Variants in TENM2 observed in about 807,000 individuals in gnomAD.
TENM2 encodes the protein teneurin-2.
A neutral mutation model predicts 245.2 loss-of-function variants in TENM2; 52 were observed. That is an observed-to-expected ratio of 0.21 (90% CI 0.17 to 0.27). The LOEUF (loss-of-function observed/expected upper bound fraction) is 0.27. Ranked by LOEUF, TENM2 falls within the 10% of genes least tolerant of loss-of-function variation. The pLI is 1.00. For synonymous variants in TENM2, 1,363 were observed against 1,438.9 expected (o/e 0.95, Z 1.19); for missense variants, 3,046 against 3,666.8 (o/e 0.83, Z 4.37).
At chr5:167,638,041 G>T (rs1456283467) in intron 2 of TENM2, among the ~76,000 whole-genome samples, 1 of 150,576 alleles carries the variant, frequency 6.6e-6, no homozygotes, top group Non-Finnish European at 1.5e-5. Context: ...GAATACAAAG[G>T]CCAGATTATA....
intron 12 of TENM2, among the ~76,000 whole-genome samples, chr5:168,158,850 T>TATATAC (rs1339051385): frequency 2.0e-3 from 127 of 62,300 alleles, no homozygotes; most frequent in African/African-American, 5.1e-3. Flanking sequence ...TATATATATA[T>TATATAC]ACACACACAC....
intron 23 of TENM2, among the ~76,000 whole-genome samples, chr5:168,224,342 T>C (rs1007732909): frequency 2.2e-4 from 33 of 152,104 alleles, no homozygotes; most frequent in Non-Finnish European, 2.6e-4. Flanking sequence ...CTCCAAGATC[T>C]CCCTCCTCTC....
At chr5:167,211,758 T>A in the TENM2 span, among the ~76,000 whole-genome samples, 2 of 152,148 alleles carry the variant, frequency 1.3e-5, no homozygotes, top group Admixed American at 1.3e-4. Context: ...TTTATAGATT[T>A]TTTTTTCTCT....
At chr5:167,093,808 G>A in the TENM2 span, among the ~76,000 whole-genome samples, 1 of 152,160 alleles carries the variant, frequency 6.6e-6, no homozygotes, top group African/African-American at 2.4e-5. Flanking sequence ...ACTATATTCT[G>A]TGAGGTTCTG....
At chr5:167,525,690 G>T (rs1007746528) in intron 2 of TENM2, among the ~76,000 whole-genome samples, 2 of 152,062 alleles carry the variant, frequency 1.3e-5, no homozygotes, top group Admixed American at 1.3e-4. Flanking sequence ...TTCTCACCAG[G>T]TATCCATTTT....
chr5:168,078,832 G>A lies in TENM2; in HGVS notation c.1516-11742G>A, dbSNP rs1427800975. Among the ~76,000 whole-genome samples the A allele has an allele frequency of 2.6e-5, 4 of 152,258 alleles. No homozygotes were observed. The East Asian group carries it at 7.7e-4, about 29-fold the overall frequency. The stretch of plus-strand genomic sequence containing the variant: ...GTACCATGCTGTTTTGATTACTGTA[G>A]CCTTGTAGTATAGTTTGAAGTCAGG... On this transcript the variant is annotated intron_variant, in intron 7 of 28. Transcript: ENST00000518659.
chr5:167,977,219 T>G (rs1782505749), intron 4 of TENM2, among the ~76,000 whole-genome samples: 1 of 152,060 alleles, frequency 6.6e-6, no homozygotes, highest in Admixed American at 6.5e-5. Context: ...AAATTCCTAT[T>G]GGGTACAATG....
At chr5:167,679,885 T>C (rs1216282120) in intron 2 of TENM2, among the ~76,000 whole-genome samples, 2 of 152,214 alleles carry the variant, frequency 1.3e-5, no homozygotes, top group Non-Finnish European at 2.9e-5. Context: ...TGGCTTATGG[T>C]CCATCATGGT....
chr5:167,192,986 C>T, the TENM2 span, among the ~76,000 whole-genome samples: 4 of 151,996 alleles, frequency 2.6e-5, no homozygotes, highest in Admixed American at 6.6e-5. Flanking sequence ...CCCTTTCAGG[C>T]GAGAGTTTAG....
intron 2 of TENM2, among the ~76,000 whole-genome samples, chr5:167,399,510 G>A (rs1259906401): frequency 6.6e-6 from 1 of 152,150 alleles, no homozygotes; most frequent in Non-Finnish European, 1.5e-5. Context: ...CAAAATCCCT[G>A]CCCCCAAGTA....
At chr5:167,456,552 C>T (rs958194910) in intron 2 of TENM2, among the ~76,000 whole-genome samples, 1 of 152,042 alleles carries the variant, frequency 6.6e-6, no homozygotes, top group African/African-American at 2.4e-5. Context: ...TTAGTAAAAA[C>T]ATCATTTTCA....
At chr5:167,099,175 C>A in the TENM2 span, among the ~76,000 whole-genome samples, 1 of 152,098 alleles carries the variant, frequency 6.6e-6, no homozygotes, top group African/African-American at 2.4e-5. Flanking sequence ...TATGTAGCCT[C>A]TCAGTTTTTA....
intron 2 of TENM2, among the ~76,000 whole-genome samples, chr5:167,462,112 T>C (rs6898161): frequency 0.98 from 146,738 of 149,822 alleles, 71,946 homozygotes; most frequent in East Asian, 1. Context: ...CATACACACA[T>C]GCACAAACCT....
In TENM2 at chr5:167,987,916, C is replaced by T. The variant is rs74835835; in HGVS notation, c.948-5028C>T. Among the ~76,000 whole-genome samples the T allele has an allele frequency of 4.2e-3, 641 of 152,200 alleles. 6 individuals carry two copies. Among genetic ancestry groups the T allele is most frequent in the African/African-American group, 0.014 (591 of 41,534 alleles). ...ATGGGAGAAATAGGATTCTACTTAT[C>T]GTTGGTTTTTTGTTTAATCATTTTA... On this transcript the variant is annotated intron_variant, in intron 4 of 28. Coordinates refer to ENST00000518659, the Ensembl canonical transcript of TENM2.
chr5:166,987,960 A>G, the TENM2 span, among the ~76,000 whole-genome samples: 1 of 152,148 alleles, frequency 6.6e-6, no homozygotes, highest in Non-Finnish European at 1.5e-5. Flanking sequence ...AGGTTCTGGG[A>G]TTTACTTTCC....
At chr5:167,568,620 T>G (rs1270334032) in intron 2 of TENM2, among the ~76,000 whole-genome samples, 1 of 151,630 alleles carries the variant, frequency 6.6e-6, no homozygotes, top group Non-Finnish European at 1.5e-5. Context: ...TTGTTTTTCA[T>G]TTGTGCACAG....
chr5:168,080,228 A>G (rs1204481055), intron 7 of TENM2, among the ~76,000 whole-genome samples: 2 of 152,054 alleles, frequency 1.3e-5, no homozygotes, highest in Admixed American at 6.6e-5. Context: ...AGAGGTGTTT[A>G]TAGTATTCTC....
rs116712216 is a variant in TENM2, at chr5:167,982,665, C to A, written c.948-10279C>A. Among the ~76,000 whole-genome samples the A allele has an allele frequency of 4.3e-3, 650 of 152,166 alleles. 6 individuals are homozygous for A. The highest frequency in any genetic ancestry group is 0.015 in the African/African-American group (626 of 41,504). On this transcript the variant is annotated intron_variant, in intron 4 of 28. Coordinates refer to ENST00000518659, the Ensembl canonical transcript of TENM2. ...CTCCTGGAGGAGTTGAGATTTGAGT[C>A]CAGGTGCACCTGGCTCCAAGCCCAT...
Position 167,685,667 on chromosome 5 carries a change from A to G in TENM2, c.503-190319A>G, listed in dbSNP as rs372718522. ...ATCTTTTTATAAGAGTTTACCCTGA[A>G]CATCATCAAAAGAATCATGTAGTTG... is the stretch of plus-strand genomic sequence containing the variant. On this transcript the variant is annotated intron_variant, in intron 2 of 28. Transcript: ENST00000518659. 2.6e-5 allele frequency among the ~76,000 whole-genome samples: 4 copies of G among 152,198 alleles called. No individual in the cohort carries two copies. In the East Asian group the frequency reaches 5.8e-4, roughly 22 times the overall value.
Sources: allele counts gnomAD v4.1 joint callset (sites outside exome capture counted in the v4.1 genomes callset), GRCh38; gene constraint gnomAD v4.1.1; transcripts MANE v1.5; gene names NCBI Gene and HGNC (gene_info 2026-07-23, HGNC 2026-07-21).